The following PECR variants were observed in gnomAD, a reference collection of about 807,000 sequenced individuals.
The protein encoded by PECR is peroxisomal trans-2-enoyl-CoA reductase.
PECR carries 30 observed loss-of-function variants against 35.3 expected under a neutral mutation model. The ratio of observed to expected loss-of-function variants is 0.85; its 90% CI spans 0.64 to 1.15. The LOEUF (loss-of-function observed/expected upper bound fraction) is 1.15, where lower values mean the gene tolerates loss of function less well. Ranked by LOEUF, PECR falls within the 50% of genes most tolerant of loss-of-function variation. The pLI is 0.00. For missense variants in PECR, 392 were observed against 370.8 expected (o/e 1.06, Z -0.47); for synonymous variants, 148 against 138.9 (o/e 1.07, Z -0.46).
intron 7 of PECR, among the ~76,000 whole-genome samples, chr2:216,032,426 T>C (rs1462471299): frequency 1.3e-5 from 2 of 152,198 alleles, no homozygotes; most frequent in African/African-American, 2.4e-5. Context: ...TTGGATGACA[T>C]TGTCCATTTC....
chr2:216,068,225 C>CAAAAAAA (rs34646067), intron 1 of PECR, among the ~76,000 whole-genome samples: 15 of 64,994 alleles, frequency 2.3e-4, no homozygotes, highest in East Asian at 5.0e-4. Context: ...GACTCCATAT[C>CAAAAAAA]AAAAAAAAAA....
intron 6 of PECR, among the ~76,000 whole-genome samples, chr2:216,046,310 A>ATATATATTTT (rs1553560626): frequency 1.1e-4 from 11 of 96,956 alleles, no homozygotes; most frequent in African/African-American, 3.2e-4. Flanking sequence ...ATATATATAT[A>ATATATATTTT]TTTTTTTTTT....
chr2:216,062,363 A>G (rs1421371243), intron 3 of PECR, among the ~76,000 whole-genome samples: 2 of 152,146 alleles, frequency 1.3e-5, no homozygotes, highest in Non-Finnish European at 2.9e-5. Context: ...ATGAATCTAA[A>G]TGATAGGTAT....
chr2:216,031,423 AG>A (rs1175284990), intron 7 of PECR, among the ~76,000 whole-genome samples: 1 of 39,270 alleles, frequency 2.5e-5, no homozygotes, highest in African/African-American at 1.0e-4. Flanking sequence ...AAAGGAAGAA[AG>A]AAAGAAAAGA....
At chr2:216,069,162 C>G (rs1189283317) in intron 1 of PECR, among the ~76,000 whole-genome samples, 1 of 152,202 alleles carries the variant, frequency 6.6e-6, no homozygotes, top group African/African-American at 2.4e-5. Context: ...TTAACTGTAA[C>G]TGCATAAAAT....
chr2:216,031,691 G>GAGAAAGAAAGAA (rs1395273679), intron 7 of PECR, among the ~76,000 whole-genome samples: 16 of 61,152 alleles, frequency 2.6e-4, no homozygotes, highest in African/African-American at 9.0e-4. Flanking sequence ...AAGAAAGAAA[G>GAGAAAGAAAGAA]AGAAAGAAAG....
At chr2:216,075,451 G>A (rs1695679718) in intron 1 of PECR, among the ~76,000 whole-genome samples, 2 of 152,088 alleles carry the variant, frequency 1.3e-5, no homozygotes, top group Non-Finnish European at 2.9e-5. Flanking sequence ...GGCAGAATGG[G>A]TAAAGCTCAT....
chr2:216,078,182 G>A (rs11953), intron 1 of PECR, among the ~76,000 whole-genome samples: 20 of 152,164 alleles, frequency 1.3e-4, no homozygotes, highest in Non-Finnish European at 2.1e-4. Context: ...CTCCATGCCT[G>A]TAATCCTAGC....
chr2:216,038,480 G>A lies in PECR; in HGVS notation c.*795C>T, dbSNP rs897771548. 6.6e-6 allele frequency: 1 copy of A among 152,046 alleles called. No homozygotes were observed. Among genetic ancestry groups the A allele is most frequent in the East Asian group, 1.9e-4 (1 of 5,204 alleles). 9.4% of individuals were successfully genotyped at this position (152,046 alleles called of 1,614,324 possible). ...AACTATACATCAATAATTACCATAA[G>A]GCATTATTGCTCCTAAAGTATTTGC... On this transcript the variant is annotated 3_prime_UTR_variant, in exon 8 of 8. Coordinates refer to ENST00000265322, the MANE Select transcript of PECR (RefSeq NM_018441.6).
downstream of PECR, among the ~76,000 whole-genome samples, chr2:216,034,265 G>A (rs968708996): frequency 1.3e-5 from 2 of 152,204 alleles, no homozygotes; most frequent in Non-Finnish European, 2.9e-5. Context: ...TGGCAGCCAT[G>A]AAAAGAAACC....
chr2:216,051,062 G>C (rs1447418996), intron 5 of PECR, among the ~76,000 whole-genome samples: 1 of 151,678 alleles, frequency 6.6e-6, no homozygotes, highest in Non-Finnish European at 1.5e-5. Flanking sequence ...ATGGCGAACA[G>C]ATCTCCTGAG....
chr2:216,031,683 G>GAGAAAGAA (rs1559204116), intron 7 of PECR, among the ~76,000 whole-genome samples: 24 of 53,742 alleles, frequency 4.5e-4, no homozygotes, highest in African/African-American at 1.5e-3. Flanking sequence ...AAGAAAGAAA[G>GAGAAAGAA]AAAGAAAGAG....
At chr2:216,069,309 G>A (rs1477281451) in intron 1 of PECR, among the ~76,000 whole-genome samples, 1 of 152,194 alleles carries the variant, frequency 6.6e-6, no homozygotes, top group East Asian at 1.9e-4. Context: ...GTTCAGAAGA[G>A]CTCAGACAGC....
intron 4 of PECR, among the ~76,000 whole-genome samples, chr2:216,058,472 C>T (rs1244290945): frequency 2.0e-5 from 3 of 152,104 alleles, no homozygotes; most frequent in Non-Finnish European, 4.4e-5. Context: ...GGAGGAACAA[C>T]TTAGCAGTCC....
At chr2:216,057,480 T>C (rs1449540370) in intron 4 of PECR, among the ~76,000 whole-genome samples, 2 of 152,114 alleles carry the variant, frequency 1.3e-5, no homozygotes. Context: ...GGTTAAAATG[T>C]AGGAAAAAGA....
intron 3 of PECR, among the ~76,000 whole-genome samples, chr2:216,064,552 A>G (rs1338201472): frequency 2.0e-5 from 3 of 152,194 alleles, no homozygotes; most frequent in Non-Finnish European, 2.9e-5. Context: ...ACTACCATAT[A>G]ATCCTTACAC....
At chr2:216,067,862 A>G (rs970293338) in intron 1 of PECR, among the ~76,000 whole-genome samples, 15 of 152,184 alleles carry the variant, frequency 9.9e-5, no homozygotes, top group African/African-American at 3.6e-4. Context: ...ATGGCATCCA[A>G]CAAAAAGAAC....
At chr2:216,066,891 A>AT (rs1419912884) in intron 1 of PECR, among the ~76,000 whole-genome samples, 1 of 152,082 alleles carries the variant, frequency 6.6e-6, no homozygotes, top group African/African-American at 2.4e-5. Flanking sequence ...CTGAATTAGG[A>AT]TTTTTGCTTC....
chr2:216,047,592 CTAT>C (rs1463804339), intron 6 of PECR, among the ~76,000 whole-genome samples: 2 of 152,158 alleles, frequency 1.3e-5, no homozygotes, highest in East Asian at 3.9e-4. Flanking sequence ...TTCTGTTCTA[CTAT>C]TTTTAATATG....
Sources: allele counts gnomAD v4.1 joint callset (sites outside exome capture counted in the v4.1 genomes callset), GRCh38; gene constraint gnomAD v4.1.1; transcripts MANE v1.5; gene names NCBI Gene and HGNC (gene_info 2026-07-23, HGNC 2026-07-21).